ANKRD30B: variants seen among roughly 807,000 people sequenced by gnomAD.
ANKRD30B encodes ankyrin repeat domain 30B.
Under a neutral mutation model 202.2 loss-of-function variants are expected in ANKRD30B, and 144 were observed. That is an observed-to-expected ratio of 0.71 (90% confidence interval 0.62 to 0.82). The LOEUF is 0.82. Ranked by LOEUF, ANKRD30B falls within the 40% of genes least tolerant of loss-of-function variation. The pLI is 0.00. For missense variants in ANKRD30B, 1,487 were observed against 1,669.1 expected, an observed-to-expected ratio of 0.89 and a Z score of 1.90; for synonymous variants, 508 against 561.3, an observed-to-expected ratio of 0.91 and a Z score of 1.34.
intron 37 of ANKRD30B, among the ~76,000 whole-genome samples, chr18:14,842,246 T>A (rs1971448521): frequency 6.6e-6 from 1 of 152,262 alleles, no homozygotes; most frequent in African/African-American, 2.4e-5. Flanking sequence ...ATTTTTTGCA[T>A]GAGTGAATCA....
Position 14,837,625 on chromosome 18 carries a change from C to A in ANKRD30B, c.2937C>A (p.Pro979=), listed in dbSNP as rs1382226768. ...RAPQDQTNKM[P]TSELGRKEDT... ...AATAACATTTTGTAGATAAGATGCC[C>A]ACATCAGAATTAGGAAGAAAAGAAG... is the stretch of plus-strand genomic sequence containing the variant. The change falls in exon 36 of 44, where the codon CCC becomes CCA. Residue 979 remains proline, a synonymous_variant. Transcript: ENST00000690538. 1 of 1,531,696 alleles carries A rather than the reference C, an allele frequency of 6.5e-7. No individual in the cohort carries two copies. Among genetic ancestry groups the A allele is most frequent in the Non-Finnish European group, 8.8e-7 (1 of 1,139,840 alleles). 94.9% of individuals were successfully genotyped at this position (1,531,696 alleles called of 1,614,324 possible). A position where few individuals can be genotyped will look rare whatever the true frequency, so the allele number is the denominator to read the frequency against.
At chr18:14,934,943 CA>C in the ANKRD30B span, among the ~76,000 whole-genome samples, 2,515 of 151,198 alleles carry the variant, frequency 0.017, 85 homozygotes, top group African/African-American at 0.058. Context: ...CACACACACA[CA>C]CACACCCCAT....
At chr18:14,759,838 A>G (rs1250841978) in intron 5 of ANKRD30B, among the ~76,000 whole-genome samples, 1 of 152,242 alleles carries the variant, frequency 6.6e-6, no homozygotes, top group Admixed American at 6.5e-5. Context: ...AACCAAAAGT[A>G]GGAATTAATA....
rs767550011 is a variant in ANKRD30B at position 14,754,899 on chromosome 18, GC to G, written c.512del (p.Ala171ValfsTer22). 5 of 1,523,448 alleles carry G rather than the reference GC, an allele frequency of 3.3e-6. No individual in the cohort carries two copies. In the South Asian group the frequency reaches 6.4e-5, roughly 19 times the overall value. The allele number at this position is 1,523,448 out of a possible 1,614,324, so 94.4% of individuals were successfully genotyped here. A position where few individuals can be genotyped will look rare whatever the true frequency, so the allele number is the denominator to read the frequency against. ...TATATATTGTTCTGCTATTTTACAG[GC>G]TAGCCTCACACCCCTTTTACTGGCC... ...YGAVIEVQNK[A>X]SLTPLLLAIQ... is the part of the protein sequence containing the mutation. On this transcript the variant is annotated frameshift_variant and splice_region_variant, in exon 4 of 44. Transcript: ENST00000690538. LOFTEE classifies it high-confidence loss of function.
the ANKRD30B span, among the ~76,000 whole-genome samples, chr18:14,890,384 T>C: frequency 0.01 from 1,578 of 151,764 alleles, 26 homozygotes; most frequent in African/African-American, 0.036. Context: ...AAATTTCTAA[T>C]TTACTATAAT....
At position 14,765,659 on chromosome 18, in the gene ANKRD30B, T is replaced by C. The variant is rs547028912; in HGVS notation, c.1225+1569T>C. On this transcript the variant is annotated intron_variant, in intron 7 of 43. Coordinates refer to ENST00000690538, the MANE Select transcript of ANKRD30B (RefSeq NM_001367607.2). ...ATTTGGCCTGTGATACACAGTTTGC[T>C]GGCCCTTCACATAGAAGATAGATGG... 2.6e-5 allele frequency among the ~76,000 whole-genome samples: 4 copies of C among 152,274 alleles called. No individual in the cohort carries two copies. In the East Asian group the frequency reaches 7.7e-4, roughly 29 times the overall value.
chr18:14,818,342 A>G (rs1299661371), intron 30 of ANKRD30B, among the ~76,000 whole-genome samples: 3 of 152,192 alleles, frequency 2.0e-5, no homozygotes, highest in Non-Finnish European at 4.4e-5. Context: ...AATTTTTGAT[A>G]CTTTCATATT....
chr18:14,757,800 T>G lies in ANKRD30B; in HGVS notation c.618-15T>G. 6.2e-7 allele frequency: 1 copy of G among 1,609,306 alleles called. No homozygotes were observed. Among genetic ancestry groups the G allele is most frequent in the Non-Finnish European group, 8.5e-7 (1 of 1,178,372 alleles). On this transcript the variant is annotated splice_polypyrimidine_tract_variant and intron_variant, in intron 4 of 43. Transcript: ENST00000690538. The stretch of plus-strand genomic sequence containing the variant: ...TTGATTCTGCTCATAATAAGTTATC[T>G]CTTTGTTATTTTAGCACAGCCCTCA...
the ANKRD30B span, among the ~76,000 whole-genome samples, chr18:14,897,555 A>T: frequency 2.6e-5 from 4 of 152,234 alleles, no homozygotes; most frequent in Non-Finnish European, 5.9e-5. Flanking sequence ...AATTGATTTT[A>T]GATGTTATGA....
chr18:14,840,657 A>C lies in ANKRD30B; in HGVS notation c.3058A>C (p.Thr1020Pro). ...PEATYQKEIKTTNGKIEESPE... is the reference protein window; with the variant it reads ...PEATYQKEIKPTNGKIEESPE... ...GGCTACATATCAAAAAGAAATAAAG[A>C]CAACAAATGGCAAAATAGAAGGTAA... The change falls in exon 37 of 44, where the codon ACA (threonine) becomes CCA (proline). Residue 1020 changes from threonine (T) to proline (P), a missense_variant. Physicochemically the swap from Thr to Pro is conservative, Grantham distance 38. Around this residue, in one of 6 missense-constraint regions of ANKRD30B, gnomAD observed 218 missense variants for 320.1 expected, o/e 0.68. Transcript: ENST00000690538. 6.5e-7 allele frequency: 1 copy of C among 1,533,052 alleles called. No homozygotes were observed. The highest frequency in any genetic ancestry group is 8.8e-7 in the Non-Finnish European group (1 of 1,135,662). The allele number at this position is 1,533,052 out of a possible 1,614,324, so 95.0% of individuals were successfully genotyped here.
chr18:14,903,484 T>C, the ANKRD30B span: 148,104 of 152,318 alleles, frequency 0.97, 72,155 homozygotes, highest in Middle Eastern at 1. Context: ...GACTGAGAGA[T>C]AGATATTGTC....
At chr18:14,816,164 C>T (rs1568041232) in intron 30 of ANKRD30B, 2 of 152,116 alleles carry the variant, frequency 1.3e-5, no homozygotes, top group Non-Finnish European at 2.9e-5. Flanking sequence ...TCAGCTTTTG[C>T]ATTTATTTTC....
chr18:14,866,493 T>C, the ANKRD30B span, among the ~76,000 whole-genome samples: 8 of 152,136 alleles, frequency 5.3e-5, no homozygotes, highest in African/African-American at 1.9e-4. Context: ...CAGCTGGAGC[T>C]GCTCTTGACC....
intron 37 of ANKRD30B, 149 bp from the exon 38 acceptor site, chr18:14,842,748 A>G (rs1971467979): frequency 2.7e-6 from 2 of 731,042 alleles, no homozygotes; most frequent in Admixed American, 3.1e-5. Flanking sequence ...TGATTGTCCT[A>G]AAGAAACATA....
Position 14,808,659 on chromosome 18 carries a change from C to T in ANKRD30B, c.2314-13C>T. The T allele has an allele frequency of 1.3e-6, 2 of 1,542,730 alleles. 1 individual carries two copies. The highest frequency in any genetic ancestry group is 1.8e-6 in the Non-Finnish European group (2 of 1,142,662). On this transcript the variant is annotated splice_polypyrimidine_tract_variant and intron_variant, in intron 25 of 43. Transcript: ENST00000690538. ...CATTATATATTAATTTTTGTGTTTC[C>T]AAACCCATTTAGCCTACCTGTGGAA... is the stretch of plus-strand genomic sequence containing the variant.
chr18:14,773,725 G>A (rs185818847), intron 9 of ANKRD30B, among the ~76,000 whole-genome samples: 2 of 149,562 alleles, frequency 1.3e-5, no homozygotes, highest in South Asian at 2.1e-4. Flanking sequence ...GTGTGATCTC[G>A]GCTCACTGCA....
intron 36 of ANKRD30B, 55 bp downstream of exon 36, chr18:14,837,731 A>C: frequency 7.0e-7 from 1 of 1,423,658 alleles, no homozygotes; most frequent in Non-Finnish European, 9.4e-7. Flanking sequence ...AGTAATCTTA[A>C]AACATAAAAA....
chr18:14,753,784 T>C (rs1009673541), intron 3 of ANKRD30B, among the ~76,000 whole-genome samples: 1 of 152,174 alleles, frequency 6.6e-6, no homozygotes, highest in Admixed American at 6.5e-5. Context: ...AGGTTATGCA[T>C]ATTGCAGAAA....
At chr18:14,827,643 C>G (rs1396046496) in intron 32 of ANKRD30B, among the ~76,000 whole-genome samples, 1 of 152,126 alleles carries the variant, frequency 6.6e-6, no homozygotes, top group Non-Finnish European at 1.5e-5. Flanking sequence ...GTGTGTGTTT[C>G]TTTCTACACA....
Sources: allele counts gnomAD v4.1 joint callset (sites outside exome capture counted in the v4.1 genomes callset), GRCh38; gene constraint gnomAD v4.1.1; regional missense constraint gnomAD v4.1.1; transcripts MANE v1.5; gene names NCBI Gene and HGNC (gene_info 2026-07-23, HGNC 2026-07-21).